The following ZNF385D variants were observed in gnomAD, a reference collection of about 807,000 sequenced individuals.
The protein encoded by ZNF385D is zinc finger protein 385D, also known as zinc finger protein 659.
ZNF385D carries 15 observed loss-of-function variants against 35.8 expected under a neutral mutation model. The observed-to-expected ratio is 0.42, with a 90% confidence interval of 0.28 to 0.64. The LOEUF is 0.64. Among genes scored for constraint, ZNF385D ranks in the 30% least tolerant of loss-of-function variants. The probability of loss-of-function intolerance (pLI) is 0.23; values close to 1 mark genes in which losing one functional copy is unlikely to be tolerated. For synonymous variants in ZNF385D, 212 were observed against 186.8 expected, an observed-to-expected ratio of 1.13 and a Z score of -1.10; for missense variants, 474 against 494.6, an observed-to-expected ratio of 0.96 and a Z score of 0.39.
At chr3:21,725,416 CAA>C (rs1474179095) in intron 1 of ZNF385D, among the ~76,000 whole-genome samples, 1 of 151,852 alleles carries the variant, frequency 6.6e-6, no homozygotes, top group Non-Finnish European at 1.5e-5. Context: ...AAAAGATCAA[CAA>C]AATAGATAGA....
intron 3 of ZNF385D, among the ~76,000 whole-genome samples, chr3:21,769,735 A>G (rs1283072509): frequency 7.6e-6 from 1 of 131,598 alleles, no homozygotes; most frequent in Non-Finnish European, 1.6e-5. Context: ...GGAAAAAACT[A>G]CTTTAAAGTT....
intron 2 of ZNF385D, among the ~76,000 whole-genome samples, chr3:22,248,519 T>C (rs1699905586): frequency 6.6e-6 from 1 of 152,088 alleles, no homozygotes; most frequent in Admixed American, 6.6e-5. Flanking sequence ...ACAAAGTCCA[T>C]TATGGAGAAG....
chr3:21,751,357 GA>G (rs762132014), upstream of ZNF385D: 29 of 1,044,242 alleles, frequency 2.8e-5, no homozygotes, highest in Non-Finnish European at 3.1e-5. Flanking sequence ...GGGGCGGAGT[GA>G]GGGGCGCGGG....
chr3:21,997,565 A>AAC (rs1695546615), intron 3 of ZNF385D, among the ~76,000 whole-genome samples: 1 of 152,052 alleles, frequency 6.6e-6, no homozygotes, highest in Non-Finnish European at 1.5e-5. Flanking sequence ...CAGAAAAAAA[A>AAC]AACAGTATAA....
At chr3:22,297,866 G>A (rs766560551) in intron 2 of ZNF385D, among the ~76,000 whole-genome samples, 34 of 151,990 alleles carry the variant, frequency 2.2e-4, no homozygotes, top group African/African-American at 6.3e-4. Context: ...ATGTTTAAAC[G>A]TACAACGCGT....
intron 3 of ZNF385D, among the ~76,000 whole-genome samples, chr3:21,956,135 C>T (rs1424199414): frequency 2.0e-5 from 3 of 151,418 alleles, no homozygotes; most frequent in Non-Finnish European, 2.9e-5. Context: ...TGCAGTGAGC[C>T]GTGATCACAC....
chr3:22,268,243 A>T (rs1165596620), intron 2 of ZNF385D, among the ~76,000 whole-genome samples: 1 of 152,034 alleles, frequency 6.6e-6, no homozygotes, highest in Non-Finnish European at 1.5e-5. Context: ...GCAATGGCAC[A>T]AATCAGCCAT....
intron 3 of ZNF385D, among the ~76,000 whole-genome samples, chr3:21,780,157 C>G (rs2071434795): frequency 6.6e-6 from 1 of 151,964 alleles, no homozygotes; most frequent in Non-Finnish European, 1.5e-5. Flanking sequence ...GTAGGAATAT[C>G]AACAAACCCT....
At chr3:22,095,371 T>C (rs1297175116) in intron 3 of ZNF385D, among the ~76,000 whole-genome samples, 1 of 152,084 alleles carries the variant, frequency 6.6e-6, no homozygotes, top group Non-Finnish European at 1.5e-5. Context: ...TATTCCATCA[T>C]GATTTTTTCT....
At chr3:21,932,970 G>T (rs1218916510) in intron 3 of ZNF385D, among the ~76,000 whole-genome samples, 1 of 152,170 alleles carries the variant, frequency 6.6e-6, no homozygotes, top group African/African-American at 2.4e-5. Context: ...TAGAGCAGGT[G>T]TATGGCTTTC....
upstream of ZNF385D, among the ~76,000 whole-genome samples, chr3:21,754,740 T>C (rs7649103): frequency 0.024 from 3,721 of 152,244 alleles, 161 homozygotes; most frequent in African/African-American, 0.083. Context: ...CTGTTTATTT[T>C]TGATTTCTCC....
At chr3:22,034,225 G>A (rs765567172) in intron 3 of ZNF385D, among the ~76,000 whole-genome samples, 6 of 152,110 alleles carry the variant, frequency 3.9e-5, no homozygotes, top group African/African-American at 7.2e-5. Flanking sequence ...CGAAGTTCTC[G>A]TGAATGAAAT....
chr3:22,195,578 A>C (rs555438688), intron 2 of ZNF385D, among the ~76,000 whole-genome samples: 1 of 152,192 alleles, frequency 6.6e-6, no homozygotes, highest in East Asian at 1.9e-4. Context: ...TCTGTGGTCC[A>C]AACATTACGA....
At chr3:22,151,001 TAG>T (rs981768241) in intron 3 of ZNF385D, among the ~76,000 whole-genome samples, 13 of 152,208 alleles carry the variant, frequency 8.5e-5, no homozygotes, top group Admixed American at 1.3e-4. Context: ...GACTTCTATC[TAG>T]AGAGAGAAGC....
At chr3:22,305,153 G>A (rs1007140838) in intron 2 of ZNF385D, among the ~76,000 whole-genome samples, 3 of 151,450 alleles carry the variant, frequency 2.0e-5, no homozygotes, top group African/African-American at 4.9e-5. Context: ...CTTTATTCAC[G>A]AATTACTCGC....
At chr3:21,521,456 A>G (rs1168916545) in intron 3 of ZNF385D, among the ~76,000 whole-genome samples, 1 of 152,198 alleles carries the variant, frequency 6.6e-6, no homozygotes, top group African/African-American at 2.4e-5. Flanking sequence ...ATTAAGTTGC[A>G]TGTATAAATC....
intron 1 of ZNF385D, among the ~76,000 whole-genome samples, chr3:21,699,817 CTTTT>C (rs1478134489): frequency 1.0e-4 from 11 of 109,032 alleles, no homozygotes; most frequent in African/African-American, 3.8e-4. Context: ...TGTTATGTTT[CTTTT>C]CCTTTTTTTT....
chr3:22,049,413 CT>C (rs199633221), intron 3 of ZNF385D, among the ~76,000 whole-genome samples: 10 of 151,014 alleles, frequency 6.6e-5, no homozygotes, highest in East Asian at 1.9e-4. Context: ...ATAGGGTGTT[CT>C]TTTTTTTTGG....
At chr3:22,218,028 G>C (rs1234073511) in intron 2 of ZNF385D, among the ~76,000 whole-genome samples, 1 of 152,064 alleles carries the variant, frequency 6.6e-6, no homozygotes, top group Non-Finnish European at 1.5e-5. Flanking sequence ...TGCTCCAACA[G>C]ATACACAGCA....
Sources: gnomAD v4.1 joint callset for allele counts (sites outside exome capture counted in the v4.1 genomes callset) on GRCh38, gnomAD v4.1.1 for gene constraint, MANE v1.5 for transcripts, NCBI Gene and HGNC (gene_info 2026-07-23, HGNC 2026-07-21) for gene names.